CNTN5: variants seen among roughly 807,000 people sequenced by gnomAD.
CNTN5 encodes the protein contactin 5.
A neutral mutation model predicts 129.1 loss-of-function variants in CNTN5; 77 were observed. That is an observed-to-expected ratio of 0.60 (90% CI 0.50 to 0.72). CNTN5 has a LOEUF of 0.72. Ranked by LOEUF, CNTN5 falls within the 30% of genes least tolerant of loss-of-function variation. The probability of loss-of-function intolerance (pLI) is 0.00; values close to 1 mark genes in which losing one functional copy is unlikely to be tolerated. For synonymous variants in CNTN5, 509 were observed against 465.6 expected, an observed-to-expected ratio of 1.09 and a Z score of -1.20; for missense variants, 1,478 against 1,328.8, an observed-to-expected ratio of 1.11 and a Z score of -1.75.
intron 13 of CNTN5, among the ~76,000 whole-genome samples, chr11:100,168,409 C>A (rs1190340311): frequency 6.6e-6 from 1 of 151,930 alleles, no homozygotes; most frequent in Non-Finnish European, 1.5e-5. Context: ...TAAGTTGAAG[C>A]CAATATTCAT....
chr11:99,912,379 T>C (rs1949684172), intron 6 of CNTN5, among the ~76,000 whole-genome samples: 2 of 152,000 alleles, frequency 1.3e-5, no homozygotes, highest in Non-Finnish European at 2.9e-5. Flanking sequence ...ACCTATTTGG[T>C]GACCCAGACT....
intron 2 of CNTN5, among the ~76,000 whole-genome samples, chr11:99,482,808 TA>T (rs1391208008): frequency 6.6e-6 from 1 of 151,974 alleles, no homozygotes; most frequent in Non-Finnish European, 1.5e-5. Context: ...TCACTAAAAT[TA>T]AAATCTTTTA....
intron 3 of CNTN5, among the ~76,000 whole-genome samples, chr11:99,724,712 T>C (rs1015781577): frequency 5.9e-5 from 9 of 152,156 alleles, no homozygotes; most frequent in Admixed American, 2.6e-4. Context: ...AAATGCACCA[T>C]AAATATTGGT....
At chr11:99,739,151 G>T (rs945168117) in intron 3 of CNTN5, among the ~76,000 whole-genome samples, 1 of 151,988 alleles carries the variant, frequency 6.6e-6, no homozygotes, top group Non-Finnish European at 1.5e-5. Flanking sequence ...TCCTCTTACT[G>T]CACTTACCAC....
intron 2 of CNTN5, among the ~76,000 whole-genome samples, chr11:99,426,511 C>T (rs774037822): frequency 3.9e-5 from 6 of 152,116 alleles, no homozygotes; most frequent in Admixed American, 6.5e-5. Flanking sequence ...ACAGAATTTT[C>T]GTAAGCCTTT....
intron 9 of CNTN5, among the ~76,000 whole-genome samples, chr11:100,035,470 C>T (rs1261444405): frequency 6.8e-6 from 1 of 146,862 alleles, no homozygotes; most frequent in Non-Finnish European, 1.5e-5. Context: ...ATTTATAGTC[C>T]TTTGGGTATA....
chr11:100,089,729 G>A (rs887700921), intron 13 of CNTN5, among the ~76,000 whole-genome samples: 1 of 152,158 alleles, frequency 6.6e-6, no homozygotes, highest in Non-Finnish European at 1.5e-5. Flanking sequence ...AAAGGGACAA[G>A]ATCATGTCCT....
intron 2 of CNTN5, among the ~76,000 whole-genome samples, chr11:99,495,197 T>C (rs1005011749): frequency 6.6e-6 from 1 of 151,956 alleles, no homozygotes; most frequent in African/African-American, 2.4e-5. Context: ...TGAAACCCCG[T>C]CTCTACTAAA....
intron 3 of CNTN5, among the ~76,000 whole-genome samples, chr11:99,589,663 G>GA (rs1949915933): frequency 6.6e-6 from 1 of 152,078 alleles, no homozygotes; most frequent in African/African-American, 2.4e-5. Flanking sequence ...TATATTTGAA[G>GA]AAAAGATATA....
intron 6 of CNTN5, among the ~76,000 whole-genome samples, chr11:99,884,698 T>A (rs540667468): frequency 6.6e-6 from 1 of 152,300 alleles, no homozygotes; most frequent in East Asian, 1.9e-4. Flanking sequence ...GTAAGAAGGC[T>A]GGGCACGGTG....
chr11:99,464,429 G>T (rs1288041164), intron 2 of CNTN5, among the ~76,000 whole-genome samples: 7 of 152,056 alleles, frequency 4.6e-5, no homozygotes, highest in African/African-American at 1.7e-4. Context: ...TAGTTTGAAG[G>T]TATTCAGTAT....
chr11:100,113,278 T>C (rs572983508), intron 13 of CNTN5, among the ~76,000 whole-genome samples: 2 of 150,432 alleles, frequency 1.3e-5, no homozygotes, highest in Non-Finnish European at 3.0e-5. Flanking sequence ...TTAATTTACA[T>C]TTTAAGAGCA....
At chr11:99,879,550 C>A (rs1262747394) in intron 6 of CNTN5, among the ~76,000 whole-genome samples, 3 of 152,136 alleles carry the variant, frequency 2.0e-5, no homozygotes, top group Admixed American at 1.3e-4. Context: ...ATCGATGTTA[C>A]TTCTGTCTAC....
chr11:99,837,704 AC>A (rs1469609342), intron 4 of CNTN5, among the ~76,000 whole-genome samples: 140 of 146,932 alleles, frequency 9.5e-4, no homozygotes, highest in African/African-American at 3.5e-3. Flanking sequence ...AAAAAAAAAA[AC>A]CTATCAAATA....
At chr11:99,331,722 T>C (rs987446534) in intron 2 of CNTN5, among the ~76,000 whole-genome samples, 10 of 152,134 alleles carry the variant, frequency 6.6e-5, no homozygotes, top group Non-Finnish European at 1.5e-4. Context: ...TTTTAACTCT[T>C]CCTATCTCTG....
At chr11:99,291,671 T>C (rs1864177609) in intron 1 of CNTN5, among the ~76,000 whole-genome samples, 1 of 152,014 alleles carries the variant, frequency 6.6e-6, no homozygotes, top group African/African-American at 2.4e-5. Flanking sequence ...AATACTTTGT[T>C]CTTTAGTTAA....
intron 1 of CNTN5, among the ~76,000 whole-genome samples, chr11:99,308,945 A>G (rs938931910): frequency 6.6e-6 from 1 of 152,102 alleles, no homozygotes; most frequent in African/African-American, 2.4e-5. Context: ...TGACTTACTA[A>G]TTCCTAATAC....
chr11:99,657,082 GAAAA>G (rs928647421), intron 3 of CNTN5, among the ~76,000 whole-genome samples: 3 of 148,692 alleles, frequency 2.0e-5, no homozygotes, highest in African/African-American at 5.0e-5. Context: ...AAAAAAAAGA[GAAAA>G]AAAATAAATC....
intron 1 of CNTN5, among the ~76,000 whole-genome samples, chr11:99,297,790 A>T (rs1864453081): frequency 6.6e-6 from 1 of 152,212 alleles, no homozygotes; most frequent in Non-Finnish European, 1.5e-5. Flanking sequence ...GGTAAAACAC[A>T]AAAATCCCTG....
Sources: allele counts gnomAD v4.1 joint callset (sites outside exome capture counted in the v4.1 genomes callset), GRCh38; gene constraint gnomAD v4.1.1; transcripts MANE v1.5; gene names NCBI Gene and HGNC (gene_info 2026-07-23, HGNC 2026-07-21).